Variants in LPP observed in about 807,000 individuals in gnomAD.
The protein encoded by LPP is LIM domain containing preferred translocation partner in lipoma.
Under a neutral mutation model 60.4 loss-of-function variants are expected in LPP, and 38 were observed. The observed-to-expected ratio is 0.63, with a 90% CI of 0.49 to 0.83. The LOEUF is 0.83. LPP is among the 40% of genes least tolerant of loss of function. The pLI is 0.00. For synonymous variants in LPP, 328 were observed against 290.8 expected (o/e 1.13, Z -1.30); for missense variants, 902 against 783.6 (o/e 1.15, Z -1.80).
chr3:188,468,970 A>G (rs1801116742), intron 4 of LPP, among the ~76,000 whole-genome samples: 1 of 152,160 alleles, frequency 6.6e-6, no homozygotes, highest in Non-Finnish European at 1.5e-5. Context: ...TTCTGCTCAG[A>G]ACACGTCACC....
chr3:188,646,731 C>T (rs1851171652), intron 7 of LPP, among the ~76,000 whole-genome samples: 1 of 152,174 alleles, frequency 6.6e-6, no homozygotes, highest in South Asian at 2.1e-4. Flanking sequence ...CAACTGATGC[C>T]CCACATTTGG....
intron 4 of LPP, among the ~76,000 whole-genome samples, chr3:188,433,081 C>T (rs1433981601): frequency 6.6e-6 from 1 of 152,122 alleles, no homozygotes; most frequent in Non-Finnish European, 1.5e-5. Context: ...AGCCTTATCT[C>T]TATCTAGGCT....
At chr3:188,209,325 T>C (rs985739063) in intron 1 of LPP, among the ~76,000 whole-genome samples, 3 of 152,192 alleles carry the variant, frequency 2.0e-5, no homozygotes, top group Non-Finnish European at 4.4e-5. Context: ...TAATAAAAGG[T>C]AGAACACACT....
chr3:188,563,458 A>ATGTGTGTGTGTGTG (rs966931196), intron 6 of LPP, among the ~76,000 whole-genome samples: 109 of 76,064 alleles, frequency 1.4e-3, no homozygotes, highest in Middle Eastern at 7.1e-3. Flanking sequence ...ATTTACATAT[A>ATGTGTGTGTGTGTG]TATGTGTGTG....
intron 3 of LPP, among the ~76,000 whole-genome samples, chr3:188,369,950 A>T (rs763822753): frequency 6.6e-6 from 1 of 152,130 alleles, no homozygotes; most frequent in African/African-American, 2.4e-5. Context: ...TTTATCTGAG[A>T]CAGAGTCTCT....
At chr3:188,797,282 G>A (rs1745667467) in intron 9 of LPP, among the ~76,000 whole-genome samples, 1 of 152,152 alleles carries the variant, frequency 6.6e-6, no homozygotes, top group South Asian at 2.1e-4. Context: ...TTTGCTAGAA[G>A]CTATTAAAGT....
intron 1 of LPP, among the ~76,000 whole-genome samples, chr3:188,194,454 A>G (rs908802676): frequency 6.6e-6 from 1 of 152,090 alleles, no homozygotes; most frequent in Non-Finnish European, 1.5e-5. Context: ...CAACCATACC[A>G]TCTCCCAGGC....
chr3:188,380,167 T>A (rs1304779392), intron 3 of LPP, among the ~76,000 whole-genome samples: 1 of 152,238 alleles, frequency 6.6e-6, no homozygotes, highest in Non-Finnish European at 1.5e-5. Flanking sequence ...CACTGCCTCT[T>A]ACTTTTTATG....
At chr3:188,625,023 C>T (rs781532732) in intron 7 of LPP, among the ~76,000 whole-genome samples, 5 of 151,824 alleles carry the variant, frequency 3.3e-5, no homozygotes, top group Admixed American at 2.6e-4. Context: ...GTTTCTATAT[C>T]CCTTTATTCT....
intron 4 of LPP, among the ~76,000 whole-genome samples, chr3:188,419,070 G>A (rs1465140996): frequency 6.6e-6 from 1 of 152,130 alleles, no homozygotes; most frequent in Non-Finnish European, 1.5e-5. Flanking sequence ...CAAGTTCTAT[G>A]AGGTCTCCCA....
Position 188,278,368 on chromosome 3 carries a change from A to G in LPP, c.-67+52841A>G, listed in dbSNP as rs191033250. ...CTTACCTGGCTTGGAGCAAGTCCTC[A>G]TCTGCCAAAGACTATGTAGGTGGTT... On this transcript the variant is annotated intron_variant, in intron 2 of 11. Coordinates refer to ENST00000617246, the MANE Select transcript of LPP (RefSeq NM_001375462.1). 1.1e-4 allele frequency among the ~76,000 whole-genome samples: 17 copies of G among 152,260 alleles called. No individual in the cohort carries two copies. In the East Asian group the frequency reaches 3.3e-3, roughly 29 times the overall value.
At chr3:188,312,350 T>G (rs529626369) in intron 2 of LPP, among the ~76,000 whole-genome samples, 9 of 152,236 alleles carry the variant, frequency 5.9e-5, no homozygotes, top group Non-Finnish European at 8.8e-5. Context: ...ATTGCTGAAT[T>G]TTTGCTTATT....
intron 3 of LPP, among the ~76,000 whole-genome samples, chr3:188,369,281 G>T (rs1170536479): frequency 6.6e-6 from 1 of 152,026 alleles, no homozygotes; most frequent in Non-Finnish European, 1.5e-5. Flanking sequence ...ATAGGTTGGG[G>T]ATCACAGGAA....
intron 2 of LPP, among the ~76,000 whole-genome samples, chr3:188,288,578 G>A (rs1744781293): frequency 9.1e-6 from 1 of 109,848 alleles, no homozygotes; most frequent in African/African-American, 3.3e-5. Context: ...ATATGTACAC[G>A]TGCACACACA....
At chr3:188,362,521 C>A (rs957430177) in intron 3 of LPP, among the ~76,000 whole-genome samples, 2 of 152,190 alleles carry the variant, frequency 1.3e-5, no homozygotes, top group African/African-American at 4.8e-5. Flanking sequence ...ACTTTTACAT[C>A]CCCTTCCATC....
intron 8 of LPP, among the ~76,000 whole-genome samples, chr3:188,753,751 C>G (rs1728987235): frequency 6.6e-6 from 1 of 151,700 alleles, no homozygotes; most frequent in African/African-American, 2.4e-5. Context: ...TGATCCTTTT[C>G]TTGTTGCGAG....
rs149276004 is a variant in LPP at position 188,327,946 on chromosome 3, G to GTA, written c.-66-13714_-66-13713dup. ...ACTACAATTTTAATGAAAAATATTT[G>GTA]TATAAAAAATAAATATATTTGTGAA... On this transcript the variant is annotated intron_variant, in intron 2 of 11. Coordinates refer to ENST00000617246, the MANE Select transcript of LPP (RefSeq NM_001375462.1). 1.5e-3 allele frequency among the ~76,000 whole-genome samples: 230 copies of GTA among 152,162 alleles called. 1 individual carries two copies. Among genetic ancestry groups the GTA allele is most frequent in the African/African-American group, 5.3e-3 (221 of 41,518 alleles).
At chr3:188,614,228 C>A (rs1470821484) in intron 7 of LPP, among the ~76,000 whole-genome samples, 1 of 152,074 alleles carries the variant, frequency 6.6e-6, no homozygotes, top group Non-Finnish European at 1.5e-5. Context: ...CCATGCCCAG[C>A]CTGTTTTAAT....
chr3:188,679,556 T>C (rs1389168744), intron 7 of LPP, among the ~76,000 whole-genome samples: 7 of 114,746 alleles, frequency 6.1e-5, no homozygotes, highest in Admixed American at 2.6e-4. Flanking sequence ...TGTGTGTGTG[T>C]GTGTGTGCGC....
Sources: gnomAD v4.1 joint callset for allele counts (sites outside exome capture counted in the v4.1 genomes callset) on GRCh38, gnomAD v4.1.1 for gene constraint, MANE v1.5 for transcripts, NCBI Gene and HGNC (gene_info 2026-07-23, HGNC 2026-07-21) for gene names.